LRRC1: variants seen among roughly 807,000 people sequenced by gnomAD.
LRRC1 encodes the protein leucine rich repeat containing 1, also known as leucine-rich repeat-containing protein 1.
LRRC1 carries 28 observed loss-of-function variants against 69.9 expected under a neutral mutation model. That is an observed-to-expected ratio of 0.40 (90% CI 0.30 to 0.55). The LOEUF (loss-of-function observed/expected upper bound fraction) is 0.55. LRRC1 is among the 20% of genes least tolerant of loss of function. The pLI, the probability that LRRC1 is intolerant of heterozygous loss-of-function variation, is 0.47. For missense variants in LRRC1, 498 were observed against 609.0 expected (o/e 0.82, Z 1.92); for synonymous variants, 236 against 240.2 (o/e 0.98, Z 0.16).
At chr6:53,816,802 A>G (rs1429661027) in intron 1 of LRRC1, among the ~76,000 whole-genome samples, 2 of 152,208 alleles carry the variant, frequency 1.3e-5, no homozygotes, top group Non-Finnish European at 2.9e-5. Flanking sequence ...ACTTGTGAAT[A>G]CTTTCGTATA....
intron 4 of LRRC1, among the ~76,000 whole-genome samples, chr6:53,896,072 G>A (rs1427742328): frequency 6.6e-6 from 1 of 152,204 alleles, no homozygotes; most frequent in East Asian, 1.9e-4. Flanking sequence ...ATACTGGGAA[G>A]AAGAGCTCTG....
chr6:53,876,913 C>T (rs1454549776), intron 2 of LRRC1, among the ~76,000 whole-genome samples: 1 of 152,176 alleles, frequency 6.6e-6, no homozygotes, highest in Non-Finnish European at 1.5e-5. Context: ...AATAACGGCC[C>T]TCTTCTCGCA....
intron 9 of LRRC1, among the ~76,000 whole-genome samples, chr6:53,903,215 G>A (rs1436507251): frequency 1.3e-5 from 2 of 152,140 alleles, no homozygotes; most frequent in Non-Finnish European, 2.9e-5. Context: ...CTTGATCAAG[G>A]AGCCAGAGGA....
intron 2 of LRRC1, among the ~76,000 whole-genome samples, chr6:53,868,133 A>T (rs565492026): frequency 6.6e-6 from 1 of 151,958 alleles, no homozygotes; most frequent in African/African-American, 2.4e-5. Flanking sequence ...AGGTACATAG[A>T]TGGTTATTTA....
intron 1 of LRRC1, among the ~76,000 whole-genome samples, chr6:53,829,199 A>G (rs1765357102): frequency 6.6e-6 from 1 of 152,198 alleles, no homozygotes; most frequent in African/African-American, 2.4e-5. Flanking sequence ...CCTGGCACAG[A>G]CACATCTATG....
intron 4 of LRRC1, among the ~76,000 whole-genome samples, chr6:53,896,095 C>T (rs962069964): frequency 2.0e-5 from 3 of 152,204 alleles, no homozygotes; most frequent in African/African-American, 7.2e-5. Flanking sequence ...CTCTGCAAGA[C>T]TAAAGGTGCT....
chr6:53,911,536 A>G (rs1296867857), intron 10 of LRRC1, among the ~76,000 whole-genome samples: 1 of 152,190 alleles, frequency 6.6e-6, no homozygotes, highest in Admixed American at 6.5e-5. Flanking sequence ...ATGAATGATA[A>G]TATCTGCTTT....
At chr6:53,897,914 A>G (rs1767927945) in intron 7 of LRRC1, among the ~76,000 whole-genome samples, 1 of 152,228 alleles carries the variant, frequency 6.6e-6, no homozygotes, top group Non-Finnish European at 1.5e-5. Flanking sequence ...ACTTCTGAGC[A>G]CATAGTCATC....
At chr6:53,890,812 A>G (rs1767655127) in intron 4 of LRRC1, among the ~76,000 whole-genome samples, 1 of 152,198 alleles carries the variant, frequency 6.6e-6, no homozygotes. Context: ...TCCCAATCAA[A>G]TAATGTTGCC....
chr6:53,876,586 C>T (rs905110231), intron 2 of LRRC1, among the ~76,000 whole-genome samples: 1 of 152,144 alleles, frequency 6.6e-6, no homozygotes, highest in African/African-American at 2.4e-5. Context: ...GCAGTGCAGG[C>T]ATTGAATAAA....
At position 53,795,092 on chromosome 6, in the gene LRRC1, T is replaced by C; in HGVS notation, c.-165T>C. The stretch of plus-strand genomic sequence containing the variant: ...GGCAGGGGCTCCCGCTCCAGGTTCC[T>C]TGAAGCACTTCCGACCGCGAAGCCC... On this transcript the variant is annotated 5_prime_UTR_variant, in exon 1 of 14. Transcript: ENST00000370888. 1 of 606,406 alleles carries C rather than the reference T, an allele frequency of 1.6e-6. No homozygotes were observed. The highest frequency in any genetic ancestry group is 3.2e-5 in the East Asian group (1 of 31,316). 37.6% of individuals were successfully genotyped at this position (606,406 alleles called of 1,614,324 possible). A position where few individuals can be genotyped will look rare whatever the true frequency, so the allele number is the denominator to read the frequency against.
intron 1 of LRRC1, among the ~76,000 whole-genome samples, chr6:53,818,473 A>G (rs868053719): frequency 3.9e-5 from 6 of 152,258 alleles, no homozygotes; most frequent in Non-Finnish European, 7.3e-5. Context: ...TATGGTACAT[A>G]CATACTATGG....
chr6:53,900,566 AT>A (rs1434847385), intron 8 of LRRC1, among the ~76,000 whole-genome samples: 1 of 152,220 alleles, frequency 6.6e-6, no homozygotes, highest in African/African-American at 2.4e-5. Flanking sequence ...GAAATTTCTA[AT>A]TTGGCATCCT....
chr6:53,906,270 G>A (rs1055620304), intron 10 of LRRC1, among the ~76,000 whole-genome samples: 2 of 152,196 alleles, frequency 1.3e-5, no homozygotes, highest in Non-Finnish European at 2.9e-5. Context: ...GTAAACACGT[G>A]ACCACTTATG....
intron 1 of LRRC1, among the ~76,000 whole-genome samples, chr6:53,820,578 C>T (rs886745321): frequency 1.3e-5 from 2 of 151,564 alleles, no homozygotes; most frequent in Non-Finnish European, 2.9e-5. Flanking sequence ...TTGTTCAACA[C>T]GTTTTAACCT....
chr6:53,873,294 T>C (rs375447998), intron 2 of LRRC1, among the ~76,000 whole-genome samples: 8 of 150,896 alleles, frequency 5.3e-5, no homozygotes, highest in East Asian at 1.9e-4. Context: ...TTTTTCTTTT[T>C]TTTTTTTTTT....
rs372298061 is a variant in LRRC1 at position 53,902,634 on chromosome 6, C to G, written c.793C>G (p.Leu265Val). 4.4e-6 allele frequency: 7 copies of G among 1,576,272 alleles called. No homozygotes were observed. Among genetic ancestry groups the G allele is most frequent in the Non-Finnish European group, 6.0e-6 (7 of 1,159,382 alleles). ...LETIPDGIGK[L>V]KKLSILKVDQ... is the part of the protein sequence containing the mutation. Reference sequence around the variant, plus strand: ...TAATCATAATGCTTTTACAGGAAAACTAAAGAAACTGTCAATCTTGAAGGT... The same window carrying G: ...TAATCATAATGCTTTTACAGGAAAAGTAAAGAAACTGTCAATCTTGAAGGT... Residue 265 changes from leucine (L) to valine (V), a missense_variant, in exon 9 of 14, where the codon CTA becomes GTA. By Grantham distance (32) the Leu-to-Val change is conservative (BLOSUM62 1). Around this residue, in one of 3 missense-constraint regions of LRRC1, gnomAD observed 266 missense variants for 383.9 expected, o/e 0.69. Coordinates refer to ENST00000370888, the MANE Select transcript of LRRC1 (RefSeq NM_018214.5).
chr6:53,875,469 CGT>C (rs1168120403), intron 2 of LRRC1, among the ~76,000 whole-genome samples: 3 of 151,174 alleles, frequency 2.0e-5, no homozygotes, highest in Non-Finnish European at 2.9e-5. Context: ...TGTGTGCACA[CGT>C]GTGTGTGTGA....
intron 2 of LRRC1, among the ~76,000 whole-genome samples, chr6:53,875,992 G>A (rs1215863312): frequency 6.6e-6 from 1 of 151,834 alleles, no homozygotes; most frequent in Admixed American, 6.6e-5. Context: ...ACTTTTTTTG[G>A]CACCACGGAC....
Sources: allele counts gnomAD v4.1 joint callset (sites outside exome capture counted in the v4.1 genomes callset), GRCh38; gene constraint gnomAD v4.1.1; regional missense constraint gnomAD v4.1.1; transcripts MANE v1.5; gene names NCBI Gene and HGNC (gene_info 2026-07-23, HGNC 2026-07-21).